The following ST6GALNAC3 variants were observed in gnomAD, a reference collection of about 807,000 sequenced individuals.
The protein encoded by ST6GALNAC3 is alpha-N-acetylgalactosaminide alpha-2,6-sialyltransferase 3.
ST6GALNAC3 carries 25 observed loss-of-function variants against 32.7 expected under a neutral mutation model. The observed-to-expected ratio is 0.76, with a 90% CI of 0.56 to 1.07. The LOEUF is 1.07. Ranked by LOEUF, ST6GALNAC3 falls within the 50% of genes least tolerant of loss-of-function variation. The pLI is 0.00. For synonymous variants in ST6GALNAC3, 129 were observed against 133.1 expected, an observed-to-expected ratio of 0.97 and a Z score of 0.21; for missense variants, 355 against 382.4, an observed-to-expected ratio of 0.93 and a Z score of 0.60.
At chr1:76,246,579 T>G (rs59079863) in intron 1 of ST6GALNAC3, among the ~76,000 whole-genome samples, 13,741 of 150,266 alleles carry the variant, frequency 0.091, 757 homozygotes, top group African/African-American at 0.17. Context: ...AGTGCTTCCT[T>G]CAGGAGCTCT....
chr1:76,514,060 G>A (rs1278760390), intron 3 of ST6GALNAC3, among the ~76,000 whole-genome samples: 8 of 152,082 alleles, frequency 5.3e-5, no homozygotes, highest in African/African-American at 1.9e-4. Context: ...GTTTTGTTGT[G>A]GAATCTTTAG....
At chr1:76,217,772 G>A (rs1266528949) in intron 1 of ST6GALNAC3, among the ~76,000 whole-genome samples, 1 of 152,150 alleles carries the variant, frequency 6.6e-6, no homozygotes. Context: ...ACGATGTTTG[G>A]TTTTCCATTC....
At chr1:76,218,803 C>A (rs952274754) in intron 1 of ST6GALNAC3, among the ~76,000 whole-genome samples, 1 of 152,166 alleles carries the variant, frequency 6.6e-6, no homozygotes, top group Admixed American at 6.5e-5. Context: ...AGCTCTGCCA[C>A]TTCACAAAAA....
chr1:76,392,839 C>G (rs1652667946), intron 2 of ST6GALNAC3, among the ~76,000 whole-genome samples: 1 of 152,174 alleles, frequency 6.6e-6, no homozygotes, highest in Admixed American at 6.5e-5. Context: ...ATTTAACTTG[C>G]AACTGGATAA....
intron 3 of ST6GALNAC3, among the ~76,000 whole-genome samples, chr1:76,575,450 G>T (rs958128172): frequency 6.6e-6 from 1 of 152,100 alleles, no homozygotes; most frequent in Non-Finnish European, 1.5e-5. Flanking sequence ...AGTACTAAAT[G>T]TAAGAAATCC....
At chr1:76,467,124 G>A (rs147431321) in intron 3 of ST6GALNAC3, among the ~76,000 whole-genome samples, 1,777 of 152,072 alleles carry the variant, frequency 0.012, 13 homozygotes, top group Non-Finnish European at 0.019. Context: ...CCAAATAAAT[G>A]AACAAAAGAG....
At chr1:76,152,510 CT>C (rs2100335881) in intron 1 of ST6GALNAC3, among the ~76,000 whole-genome samples, 1 of 152,258 alleles carries the variant, frequency 6.6e-6, no homozygotes, top group South Asian at 2.1e-4. Flanking sequence ...AAGGTGGGCT[CT>C]TTCTTAAATT....
At chr1:76,232,092 T>C (rs1348141636) in intron 1 of ST6GALNAC3, among the ~76,000 whole-genome samples, 1 of 152,132 alleles carries the variant, frequency 6.6e-6, no homozygotes, top group Non-Finnish European at 1.5e-5. Context: ...TACCATGAAG[T>C]CTGGTACCAG....
intron 3 of ST6GALNAC3, among the ~76,000 whole-genome samples, chr1:76,516,317 A>T (rs1048813253): frequency 6.6e-6 from 1 of 152,148 alleles, no homozygotes; most frequent in African/African-American, 2.4e-5. Flanking sequence ...TACATATATT[A>T]TACATTTCCT....
At chr1:76,303,490 T>C (rs1477768141) in intron 1 of ST6GALNAC3, among the ~76,000 whole-genome samples, 1 of 152,076 alleles carries the variant, frequency 6.6e-6, no homozygotes, top group African/African-American at 2.4e-5. Context: ...CTTGACCACC[T>C]GAGTCTACCG....
chr1:76,158,408 C>G (rs1021423621), intron 1 of ST6GALNAC3, among the ~76,000 whole-genome samples: 3 of 152,320 alleles, frequency 2.0e-5, no homozygotes, highest in African/African-American at 7.2e-5. Context: ...CCGGGGCCCT[C>G]TGACATGAAG....
chr1:76,160,868 T>G (rs567150718), intron 1 of ST6GALNAC3, among the ~76,000 whole-genome samples: 2 of 147,008 alleles, frequency 1.4e-5, no homozygotes, highest in East Asian at 4.3e-4. Context: ...AATCAACATA[T>G]CTTACTTGCT....
At chr1:76,279,532 G>T (rs932868340) in intron 1 of ST6GALNAC3, among the ~76,000 whole-genome samples, 1 of 152,232 alleles carries the variant, frequency 6.6e-6, no homozygotes, top group Admixed American at 6.5e-5. Flanking sequence ...GGAAAGAGGA[G>T]CCTTTGTGGG....
chr1:76,267,560 T>C (rs1237061715), intron 1 of ST6GALNAC3, among the ~76,000 whole-genome samples: 2 of 152,252 alleles, frequency 1.3e-5, no homozygotes, highest in Admixed American at 6.5e-5. Context: ...ATTTTCATAC[T>C]GAGGTTGAAT....
rs535387715 is a variant in ST6GALNAC3 at position 76,318,968 on chromosome 1, C to T, written c.213+4969C>T. 3.9e-5 allele frequency among the ~76,000 whole-genome samples: 6 copies of T among 152,206 alleles called. No homozygotes were observed. The South Asian group carries it at 8.3e-4, about 21-fold the overall frequency. Reference sequence around the variant, plus strand: ...TCTATTTGTAGTTGCCTATGAGGGACTCAGTCATTGTGTTGTCTTTTTTGT... The same window carrying T: ...TCTATTTGTAGTTGCCTATGAGGGATTCAGTCATTGTGTTGTCTTTTTTGT... On this transcript the variant is annotated intron_variant, in intron 2 of 4. Coordinates refer to ENST00000328299, the MANE Select transcript of ST6GALNAC3 (RefSeq NM_152996.4).
intron 1 of ST6GALNAC3, among the ~76,000 whole-genome samples, chr1:76,183,851 A>AATATATATATATATAT (rs71071991): frequency 0.029 from 3,411 of 117,312 alleles, 81 homozygotes; most frequent in Middle Eastern, 0.036. Flanking sequence ...GTAGTGCATG[A>AATATATATATATATAT]ATATATATAT....
At chr1:76,216,912 T>C (rs555936525) in intron 1 of ST6GALNAC3, among the ~76,000 whole-genome samples, 1 of 152,306 alleles carries the variant, frequency 6.6e-6, no homozygotes, top group Non-Finnish European at 1.5e-5. Flanking sequence ...ATTACAAATC[T>C]TGTTCGGAAA....
intron 1 of ST6GALNAC3, among the ~76,000 whole-genome samples, chr1:76,211,965 C>A (rs1413838927): frequency 6.6e-6 from 1 of 151,968 alleles, no homozygotes; most frequent in Non-Finnish European, 1.5e-5. Context: ...AAATAAAGTC[C>A]CCATCTCCAA....
intron 3 of ST6GALNAC3, among the ~76,000 whole-genome samples, chr1:76,584,831 A>G (rs1364560136): frequency 6.6e-6 from 1 of 152,184 alleles, no homozygotes; most frequent in Non-Finnish European, 1.5e-5. Flanking sequence ...ATTTTGTCCG[A>G]TGGTATGTGG....
Sources: gnomAD v4.1 joint callset for allele counts (sites outside exome capture counted in the v4.1 genomes callset) on GRCh38, gnomAD v4.1.1 for gene constraint, MANE v1.5 for transcripts, NCBI Gene and HGNC (gene_info 2026-07-23, HGNC 2026-07-21) for gene names.